Variants in MAPK9 observed in about 807,000 individuals in gnomAD.
The protein encoded by MAPK9 is Jun kinase.
A neutral mutation model predicts 57.1 loss-of-function variants in MAPK9; 30 were observed. The observed-to-expected ratio is 0.53, with a 90% confidence interval of 0.39 to 0.71. The LOEUF is 0.71. MAPK9 is among the 30% of genes least tolerant of loss of function. The probability of loss-of-function intolerance (pLI) is 0.00; values close to 1 mark genes in which losing one functional copy is unlikely to be tolerated. For missense variants in MAPK9, 362 were observed against 521.0 expected (o/e 0.69, Z 2.97); for synonymous variants, 155 against 177.0 (o/e 0.88, Z 0.99).
chr5:180,266,292 T>C (rs1760538905), intron 3 of MAPK9, among the ~76,000 whole-genome samples: 1 of 151,478 alleles, frequency 6.6e-6, no homozygotes, highest in South Asian at 2.1e-4. Flanking sequence ...TGGGGGATTC[T>C]GAAGTAACAG....
intron 1 of MAPK9, among the ~76,000 whole-genome samples, chr5:180,286,745 A>G (rs565181019): frequency 1.5e-4 from 23 of 152,328 alleles, no homozygotes; most frequent in Admixed American, 3.9e-4. Flanking sequence ...GCGACAGCAG[A>G]AGCATTCTCC....
At chr5:180,265,606 G>C (rs1175849234) in intron 3 of MAPK9, among the ~76,000 whole-genome samples, 1 of 152,164 alleles carries the variant, frequency 6.6e-6, no homozygotes, top group Admixed American at 6.5e-5. Flanking sequence ...CACATCATGC[G>C]CAACTATGAG....
At chr5:180,288,286 T>C (rs1762945681) in intron 1 of MAPK9, among the ~76,000 whole-genome samples, 1 of 152,080 alleles carries the variant, frequency 6.6e-6, no homozygotes, top group South Asian at 2.1e-4. Context: ...CTTCAACAAA[T>C]AAACTACCAA....
chr5:180,261,559 T>C lies in MAPK9; in HGVS notation c.450+125A>G, dbSNP rs35885136. 473 of 971,340 alleles carry C rather than the reference T, an allele frequency of 4.9e-4. 1 individual carries two copies. The African/African-American group carries it at 5.9e-3, about 12-fold the overall frequency. 60.2% of individuals were successfully genotyped at this position (971,340 alleles called of 1,614,324 possible). A position where few individuals can be genotyped will look rare whatever the true frequency, so the allele number is the denominator to read the frequency against. On this transcript the variant is annotated intron_variant, in intron 5 of 11. Coordinates refer to ENST00000452135, the MANE Select transcript of MAPK9 (RefSeq NM_002752.5). ...CTAGAATGACTCTCTTAAAACACCA[T>C]ATGATTCCATCATCTATTTGGATTT...
In MAPK9 at chr5:180,241,057, A is replaced by G. The variant is rs1034613831; in HGVS notation, c.970T>C (p.Trp324Arg). ...GCTTCTGCTTCGGCGGGGTCATACCAAACAGTGATGTATGGGTGACGCAGA... is the reference window on the plus strand; with the variant it reads ...GCTTCTGCTTCGGCGGGGTCATACCGAACAGTGATGTATGGGTGACGCAGA... ...EALRHPYITVWYDPAEAEAPP... is the reference protein window; with the variant it reads ...EALRHPYITVRYDPAEAEAPP... Residue 324 changes from tryptophan to arginine, a missense_variant, in exon 9 of 12, where the codon TGG (tryptophan) becomes CGG (arginine). Around this residue, in one of 3 missense-constraint regions of MAPK9, gnomAD observed 199 missense variants for 251.3 expected, o/e 0.79. Transcript: ENST00000452135. 6.2e-7 allele frequency: 1 copy of G among 1,613,736 alleles called. No homozygotes were observed. Among genetic ancestry groups the G allele is most frequent in the Non-Finnish European group, 8.5e-7 (1 of 1,179,870 alleles).
chr5:180,274,272 G>A (rs931798339), intron 2 of MAPK9, among the ~76,000 whole-genome samples: 1 of 152,136 alleles, frequency 6.6e-6, no homozygotes, highest in African/African-American at 2.4e-5. Context: ...ATTTTGCAGG[G>A]GGAGGGGTAC....
In MAPK9 at chr5:180,249,118, A is replaced by G. The variant is rs1176332106; in HGVS notation, c.471T>C (p.Ile157=). The G allele has an allele frequency of 3.7e-6, 6 of 1,610,004 alleles. No individual in the cohort carries two copies. In the South Asian group the frequency reaches 5.5e-5, roughly 15 times the overall value. Residue 157 remains isoleucine, a synonymous_variant, in exon 6 of 12, where the codon ATT becomes ATC. Transcript: ENST00000452135. The part of the protein sequence containing the change: ...IIHRDLKPSN[I]VVKSDCTLKI... ...TCAGGGTGCAGTCTGATTTCACAAC[A>G]ATGTTGCTAGGCTTCAAATCCTAGG...
rs757703497 is a variant in MAPK9 at position 180,234,658 on chromosome 5, A to T, written c.*1726T>A. On this transcript the variant is annotated 3_prime_UTR_variant, in exon 12 of 12. Coordinates refer to ENST00000452135, the MANE Select transcript of MAPK9 (RefSeq NM_002752.5). ...GTATTACAGAGAAGGCCATTTTAAG[A>T]TGTTTAGATAGATAGCCATAAAATA... The T allele has an allele frequency of 6.6e-6, 1 of 152,192 alleles. No homozygotes were observed. Among genetic ancestry groups the T allele is most frequent in the Non-Finnish European group, 1.5e-5 (1 of 68,022 alleles). The allele number at this position is 152,192 out of a possible 1,614,324, so 9.4% of individuals were successfully genotyped here.
intron 5 of MAPK9, among the ~76,000 whole-genome samples, chr5:180,254,052 C>T (rs548156438): frequency 8.6e-5 from 13 of 151,224 alleles, no homozygotes; most frequent in Non-Finnish European, 1.3e-4. Context: ...CTGCAACCTC[C>T]GCTTCCTGGG....
intron 5 of MAPK9, among the ~76,000 whole-genome samples, chr5:180,251,139 G>A (rs982474920): frequency 1.3e-5 from 2 of 152,150 alleles, no homozygotes; most frequent in African/African-American, 4.8e-5. Context: ...ACTCGGTGCT[G>A]GCGGGAGAAG....
At position 180,264,784 on chromosome 5, in the gene MAPK9, T is replaced by A. The variant is rs2127598526; in HGVS notation, c.308A>T (p.Asp103Val). Reference sequence around the variant, plus strand: ...ACTGAATAAAAATGATACTTACACATCTTGAAATTCTTCTAGAGTTTTTTG... The same window carrying A: ...ACTGAATAAAAATGATACTTACACAACTTGAAATTCTTCTAGAGTTTTTTG... ...TPQKTLEEFQ[D>V]VYLVMELMDA... The change falls in exon 4 of 12, where the codon GAT (aspartate) becomes GTT (valine). Residue 103 changes from aspartate to valine, a missense_variant. Asp to Val is a radical substitution (Grantham distance 152, BLOSUM62 -3). Coordinates refer to ENST00000452135, the MANE Select transcript of MAPK9 (RefSeq NM_002752.5). 5 of 1,568,620 alleles carry A rather than the reference T, an allele frequency of 3.2e-6. No individual in the cohort carries two copies. Among genetic ancestry groups the A allele is most frequent in the Non-Finnish European group, 4.3e-6 (5 of 1,156,532 alleles).
At chr5:180,278,938 T>C (rs1762065948) in intron 2 of MAPK9, among the ~76,000 whole-genome samples, 2 of 151,302 alleles carry the variant, frequency 1.3e-5, no homozygotes, top group Admixed American at 1.3e-4. Context: ...ATTTGAACCA[T>C]CCTCCACTAA....
rs767909217 is a variant in MAPK9, at chr5:180,257,236, T to A, written c.450+4448A>T. ...GACAACCCTGCCCTCTGTGGGTCGG[T>A]GGGCTCTACCCCCAAGGGAGGCCTT... On this transcript the variant is annotated intron_variant, in intron 5 of 11. Transcript: ENST00000452135. 5.9e-5 allele frequency among the ~76,000 whole-genome samples: 9 copies of A among 152,196 alleles called. 1 individual carries two copies. The highest frequency in any genetic ancestry group is 4.4e-5 in the Non-Finnish European group (3 of 68,026).
At chr5:180,262,367 G>A (rs951560084) in intron 4 of MAPK9, among the ~76,000 whole-genome samples, 24 of 121,300 alleles carry the variant, frequency 2.0e-4, no homozygotes, top group African/African-American at 6.6e-4. Context: ...TGCTCCCTTT[G>A]CAAGCAAAAC....
intron 4 of MAPK9, among the ~76,000 whole-genome samples, chr5:180,263,306 C>T (rs1000824721): frequency 2.7e-4 from 41 of 152,150 alleles, no homozygotes; most frequent in Admixed American, 2.7e-3. Flanking sequence ...CCAGTCTCTT[C>T]CCCTCTCACC....
intron 5 of MAPK9, among the ~76,000 whole-genome samples, chr5:180,253,129 G>A (rs1043664224): frequency 1.8e-4 from 27 of 152,212 alleles, no homozygotes; most frequent in Non-Finnish European, 2.5e-4. Context: ...GCCAGGGGCC[G>A]ACCGGGCAGG....
intron 1 of MAPK9, among the ~76,000 whole-genome samples, chr5:180,291,213 G>C (rs1339425452): frequency 6.6e-6 from 1 of 152,060 alleles, no homozygotes; most frequent in Non-Finnish European, 1.5e-5. Flanking sequence ...CTGGGGGAGG[G>C]GCGCGGTGGT....
At chr5:180,240,946 T>A in intron 9 of MAPK9, 85 bp downstream of exon 9, 1 of 1,425,756 alleles carries the variant, frequency 7.0e-7, no homozygotes, top group South Asian at 1.6e-5. Flanking sequence ...GCTACCCATA[T>A]GTAGCCACTC....
intron 1 of MAPK9, among the ~76,000 whole-genome samples, chr5:180,281,896 C>T (rs3812066): frequency 0.15 from 22,814 of 152,240 alleles, 2,124 homozygotes; most frequent in Middle Eastern, 0.2. Context: ...GACGCCACAG[C>T]GCTTAGATGC....
Sources: allele counts gnomAD v4.1 joint callset (sites outside exome capture counted in the v4.1 genomes callset), GRCh38; gene constraint gnomAD v4.1.1; regional missense constraint gnomAD v4.1.1; transcripts MANE v1.5; gene names NCBI Gene and HGNC (gene_info 2026-07-23, HGNC 2026-07-21).